Variants in GXYLT2 observed in about 807,000 individuals in gnomAD.
GXYLT2 encodes glucoside xylosyltransferase 2.
GXYLT2 carries 53 observed loss-of-function variants against 45.8 expected under a neutral mutation model. That is an observed-to-expected ratio of 1.16 (90% CI 0.93 to 1.46). The LOEUF (loss-of-function observed/expected upper bound fraction) is 1.46. Ranked by LOEUF, GXYLT2 falls within the 40% of genes most tolerant of loss-of-function variation. The pLI, the probability that GXYLT2 is intolerant of heterozygous loss-of-function variation, is 0.00. For synonymous variants in GXYLT2, 219 were observed against 214.2 expected, an observed-to-expected ratio of 1.02 and a Z score of -0.19; for missense variants, 551 against 544.4, an observed-to-expected ratio of 1.01 and a Z score of -0.12.
Position 72,974,995 on chromosome 3 carries a change from C to G in GXYLT2, c.1168C>G (p.Leu390Val). ...AIRDFPFQDN[L>V]FQSMYYPLQL... ...CTTTCAGTTTCCCTTTCAAGACAAT[C>G]TCTTTCAATCCATGTATTACCCCCT... Residue 390 changes from leucine (L) to valine (V), a missense_variant, in exon 7 of 7, where the codon CTC becomes GTC. Transcript: ENST00000389617. 1.3e-6 allele frequency: 2 copies of G among 1,556,106 alleles called. No individual in the cohort carries two copies. The highest frequency in any genetic ancestry group is 1.7e-6 in the Non-Finnish European group (2 of 1,148,730).
Position 72,929,399 on chromosome 3 carries a change from G to A in GXYLT2, c.600+7064G>A, listed in dbSNP as rs977885151. 1.2e-5 allele frequency: 13 copies of A among 1,128,466 alleles called. No individual in the cohort carries two copies. The Admixed American group carries it at 1.2e-4, about 10-fold the overall frequency. The allele number at this position is 1,128,466 out of a possible 1,614,324, so 69.9% of individuals were successfully genotyped here. A position where few individuals can be genotyped will look rare whatever the true frequency, so the allele number is the denominator to read the frequency against. ...ATATGAGTCAGTCACTACTGGAACT[G>A]CACAAACTGGCCAGTGACAAAAATG... On this transcript the variant is annotated intron_variant, in intron 3 of 6. Coordinates refer to ENST00000389617, the MANE Select transcript of GXYLT2 (RefSeq NM_001080393.2).
intron 1 of GXYLT2, among the ~76,000 whole-genome samples, chr3:72,898,250 G>A (rs1004463579): frequency 7.2e-5 from 11 of 151,942 alleles, no homozygotes; most frequent in Admixed American, 3.9e-4. Context: ...ATTTTTCTTC[G>A]TTTCCCCCCT....
chr3:72,893,969 A>G (rs1019940286), intron 1 of GXYLT2, among the ~76,000 whole-genome samples: 1 of 152,110 alleles, frequency 6.6e-6, no homozygotes, highest in Non-Finnish European at 1.5e-5. Flanking sequence ...CTGTCAATAC[A>G]TTCATTTCTC....
chr3:72,963,115 C>G (rs1710798696), intron 5 of GXYLT2, among the ~76,000 whole-genome samples: 1 of 152,022 alleles, frequency 6.6e-6, no homozygotes, highest in African/African-American at 2.4e-5. Context: ...AGTCCAAGAC[C>G]AGCCTGGGCA....
At chr3:72,925,885 T>G (rs924994266) in intron 3 of GXYLT2, among the ~76,000 whole-genome samples, 4 of 152,210 alleles carry the variant, frequency 2.6e-5, no homozygotes, top group Non-Finnish European at 5.9e-5. Flanking sequence ...GAGCCCTCTT[T>G]AAAAATAATA....
intron 2 of GXYLT2, among the ~76,000 whole-genome samples, chr3:72,921,271 C>T (rs1487020944): frequency 6.6e-6 from 1 of 151,988 alleles, no homozygotes; most frequent in Admixed American, 6.6e-5. Flanking sequence ...TACATATCTA[C>T]ATAACAGAAC....
Position 72,975,926 on chromosome 3 carries a change from C to CTTTTTTTTTTTTT in GXYLT2, c.*778_*790dup, listed in dbSNP as rs200250227. On this transcript the variant is annotated 3_prime_UTR_variant, in exon 7 of 7. Transcript: ENST00000389617. ...GGGTATTTCTTCTTTTTCTTTCTTTCTTTTTTTTTTTTTTTTTTTTTTTGA... is the reference window on the plus strand; with the variant it reads ...GGGTATTTCTTCTTTTTCTTTCTTTCTTTTTTTTTTTTTTTTTTTTTTTTTTTTTTTTTTTTGA... 3.3e-5 allele frequency: 4 copies of CTTTTTTTTTTTTT among 119,538 alleles called. No individual in the cohort carries two copies. The highest frequency in any genetic ancestry group is 5.2e-5 in the Non-Finnish European group (3 of 58,104). 7.4% of individuals were successfully genotyped at this position (119,538 alleles called of 1,614,324 possible).
chr3:72,971,460 G>A (rs1710984301), intron 6 of GXYLT2, among the ~76,000 whole-genome samples: 1 of 152,166 alleles, frequency 6.6e-6, no homozygotes, highest in Non-Finnish European at 1.5e-5. Flanking sequence ...TGGACAGACA[G>A]GTTCAAATCC....
intron 5 of GXYLT2, among the ~76,000 whole-genome samples, chr3:72,960,758 T>C (rs1226111902): frequency 6.6e-6 from 1 of 152,176 alleles, no homozygotes; most frequent in African/African-American, 2.4e-5. Flanking sequence ...TTCATGTATA[T>C]TGATTGCAGA....
At chr3:72,919,878 C>A (rs1373363323) in intron 2 of GXYLT2, among the ~76,000 whole-genome samples, 1 of 152,096 alleles carries the variant, frequency 6.6e-6, no homozygotes, top group Non-Finnish European at 1.5e-5. Flanking sequence ...TGTGCATTTG[C>A]CAAAATCCAT....
intron 3 of GXYLT2, among the ~76,000 whole-genome samples, chr3:72,939,261 A>G (rs1448295370): frequency 1.3e-5 from 2 of 152,174 alleles, no homozygotes; most frequent in Admixed American, 1.3e-4. Flanking sequence ...AGCCTGGCCA[A>G]CATGGTGAAA....
intron 5 of GXYLT2, among the ~76,000 whole-genome samples, chr3:72,962,121 C>T (rs573323870): frequency 6.6e-6 from 1 of 152,252 alleles, no homozygotes; most frequent in Admixed American, 6.5e-5. Flanking sequence ...TGCCCTTGAG[C>T]GTGCAACCAC....
At chr3:72,944,132 G>A (rs950870401) in intron 3 of GXYLT2, among the ~76,000 whole-genome samples, 4 of 151,942 alleles carry the variant, frequency 2.6e-5, no homozygotes, top group Admixed American at 2.0e-4. Flanking sequence ...CTCTCACCCA[G>A]GCTGGAGTGC....
intron 6 of GXYLT2, among the ~76,000 whole-genome samples, chr3:72,971,582 T>G (rs1575820695): frequency 2.6e-5 from 4 of 152,258 alleles, no homozygotes; most frequent in Admixed American, 2.6e-4. Context: ...CAAACAAGTG[T>G]TATGAAAATT....
At chr3:72,927,534 T>C (rs992963347) in intron 3 of GXYLT2, among the ~76,000 whole-genome samples, 6 of 152,200 alleles carry the variant, frequency 3.9e-5, no homozygotes, top group African/African-American at 1.2e-4. Flanking sequence ...TTTAGAACTT[T>C]TTATAATTAA....
At chr3:72,920,819 T>TATATATATATATATGTA (rs1491486551) in intron 2 of GXYLT2, among the ~76,000 whole-genome samples, 10 of 96,554 alleles carry the variant, frequency 1.0e-4, no homozygotes, top group African/African-American at 6.7e-4. Flanking sequence ...TATATATGTA[T>TATATATATATATATGTA]TTTTTTTTTT....
chr3:72,891,955 G>T (rs1416634050), intron 1 of GXYLT2, among the ~76,000 whole-genome samples: 1 of 152,082 alleles, frequency 6.6e-6, no homozygotes, highest in Non-Finnish European at 1.5e-5. Flanking sequence ...CTTGGGAACA[G>T]ATTTTAGACA....
chr3:72,891,052 C>T (rs1709172771), intron 1 of GXYLT2, among the ~76,000 whole-genome samples: 1 of 152,120 alleles, frequency 6.6e-6, no homozygotes, highest in African/African-American at 2.4e-5. Flanking sequence ...TCTGCTCGGT[C>T]TCCTTTATTG....
rs1388983253 is a variant in GXYLT2, at chr3:72,913,024, G to GT, written c.468+4475dup. On this transcript the variant is annotated intron_variant, in intron 2 of 6. Transcript: ENST00000389617. The stretch of plus-strand genomic sequence containing the variant: ...TCCCTTTGATGGTTCATTTCCTCAG[G>GT]TTTTTTTTTTGTTTTTTTTTTTGTT... 5.6e-3 allele frequency among the ~76,000 whole-genome samples: 813 copies of GT among 145,198 alleles called. 5 individuals carry two copies. Among genetic ancestry groups the GT allele is most frequent in the African/African-American group, 0.019 (739 of 39,204 alleles).
Sources: allele counts gnomAD v4.1 joint callset (sites outside exome capture counted in the v4.1 genomes callset), GRCh38; gene constraint gnomAD v4.1.1; transcripts MANE v1.5; gene names NCBI Gene and HGNC (gene_info 2026-07-23, HGNC 2026-07-21).